STAG1: variants seen among roughly 807,000 people sequenced by gnomAD.
STAG1 encodes the protein cohesin subunit SA-1.
In STAG1, 26 loss-of-function variants were observed where a neutral mutation model predicts 170.9. The ratio of observed to expected loss-of-function variants is 0.15; its 90% CI spans 0.11 to 0.21. The LOEUF is 0.21. Ranked by LOEUF, STAG1 falls within the 10% of genes least tolerant of loss-of-function variation. STAG1 has a pLI of 1.00. For missense variants in STAG1, 964 were observed against 1,509.5 expected, an observed-to-expected ratio of 0.64 and a Z score of 5.99; for synonymous variants, 514 against 497.7, an observed-to-expected ratio of 1.03 and a Z score of -0.44.
chr3:136,429,070 G>A (rs111777806), intron 16 of STAG1, among the ~76,000 whole-genome samples: 7 of 152,306 alleles, frequency 4.6e-5, no homozygotes, highest in African/African-American at 1.4e-4. Context: ...CCATGAGGCA[G>A]AGGTTGCAGT....
Position 136,405,283 on chromosome 3 carries a change from C to T in STAG1, c.2197-6454G>A, listed in dbSNP as rs895675132. On this transcript the variant is annotated intron_variant, in intron 21 of 33. Coordinates refer to ENST00000383202, the MANE Select transcript of STAG1 (RefSeq NM_005862.3). ...TTCAGACGAAGTCTCACTCTGTTGC[C>T]CAGGCTGGAGTGCAGTGGCATGATC... 2.2e-5 allele frequency among the ~76,000 whole-genome samples: 3 copies of T among 134,428 alleles called. No individual in the cohort carries two copies. The Admixed American group carries it at 2.4e-4, about 11-fold the overall frequency. The allele number at this position is 134,428 out of a possible 152,430, so 88.2% of individuals were successfully genotyped here.
intron 6 of STAG1, among the ~76,000 whole-genome samples, chr3:136,526,723 G>C (rs1935051679): frequency 2.0e-5 from 3 of 152,266 alleles, no homozygotes; most frequent in East Asian, 1.9e-4. Context: ...TTTTGCAGTG[G>C]CTGGTACTGG....
intron 1 of STAG1, among the ~76,000 whole-genome samples, chr3:136,695,634 GAA>G (rs35284821): frequency 7.0e-6 from 1 of 143,270 alleles, no homozygotes; most frequent in Non-Finnish European, 1.5e-5. Context: ...GTACTCACTA[GAA>G]AAAAAAAAAG....
intron 7 of STAG1, among the ~76,000 whole-genome samples, chr3:136,516,081 C>G (rs1191332713): frequency 6.6e-6 from 1 of 152,124 alleles, no homozygotes; most frequent in Non-Finnish European, 1.5e-5. Context: ...ACTACATGGT[C>G]TATTCTTTGA....
Position 136,623,240 on chromosome 3 carries a change from G to C in STAG1, c.38C>G (p.Thr13Ser), listed in dbSNP as rs751066805. The C allele has an allele frequency of 2.5e-6, 4 of 1,612,370 alleles. No homozygotes were observed. The Admixed American group carries it at 6.7e-5, about 27-fold the overall frequency. The change falls in exon 3 of 34, where the codon ACT becomes AGT. Residue 13 changes from threonine to serine, a missense_variant. Transcript: ENST00000383202. ...TSELPVLQDSTNETTAHSDAG... is the reference protein window; with the variant it reads ...TSELPVLQDSSNETTAHSDAG... Reference sequence around the variant, plus strand: ...ATCGGAATGGGCAGTAGTTTCATTAGTTGAATCCCTAGAAAATGTTATATT... The same window carrying C: ...ATCGGAATGGGCAGTAGTTTCATTACTTGAATCCCTAGAAAATGTTATATT...
chr3:136,528,502 C>CAA lies in STAG1; in HGVS notation c.472-7086_472-7085insTT, dbSNP rs796340809. On this transcript the variant is annotated intron_variant, in intron 6 of 33. Coordinates refer to ENST00000383202, the MANE Select transcript of STAG1 (RefSeq NM_005862.3). ...GCAACAGATGTCCCCGCACCCCCCC[C>CAA]CCCAAAAAATCACTAAGTCCTGGAA... Among the ~76,000 whole-genome samples, 214 of 144,428 alleles carry CAA rather than the reference C, an allele frequency of 1.5e-3. 2 individuals carry two copies. Among genetic ancestry groups the CAA allele is most frequent in the African/African-American group, 5.5e-3 (201 of 36,846 alleles). The allele number at this position is 144,428 out of a possible 152,430, so 94.8% of individuals were successfully genotyped here.
intron 3 of STAG1, among the ~76,000 whole-genome samples, chr3:136,610,098 G>C (rs1019705051): frequency 6.6e-6 from 1 of 151,664 alleles, no homozygotes; most frequent in Non-Finnish European, 1.5e-5. Flanking sequence ...ACAGTGGTGC[G>C]ATCTCAGCTC....
intron 5 of STAG1, among the ~76,000 whole-genome samples, chr3:136,544,107 G>A (rs1002709121): frequency 9.9e-5 from 15 of 152,154 alleles, no homozygotes; most frequent in Admixed American, 5.9e-4. Context: ...CTCCAGAGTA[G>A]ACATATCAGG....
At chr3:136,493,987 T>C (rs1425505864) in intron 9 of STAG1, among the ~76,000 whole-genome samples, 1 of 152,128 alleles carries the variant, frequency 6.6e-6, no homozygotes, top group African/African-American at 2.4e-5. Context: ...AATCTGGCGG[T>C]GTGCAGGGCG....
rs1290827189 is a variant in STAG1, at chr3:136,737,127, G to C, written c.-84+15068C>G. On this transcript the variant is annotated intron_variant, in intron 1 of 33. Transcript: ENST00000383202. ...CAGTCTTTCAATCTGATTTTTTCACGTTAGAACCAAGTCTCTCTTCTCTAT... is the reference window on the plus strand; with the variant it reads ...CAGTCTTTCAATCTGATTTTTTCACCTTAGAACCAAGTCTCTCTTCTCTAT... 3 of 821,744 alleles carry C rather than the reference G, an allele frequency of 3.7e-6. No homozygotes were observed. The East Asian group carries it at 7.3e-5, about 20-fold the overall frequency. The allele number at this position is 821,744 out of a possible 1,614,324, so 50.9% of individuals were successfully genotyped here. A position where few individuals can be genotyped will look rare whatever the true frequency, so the allele number is the denominator to read the frequency against.
intron 16 of STAG1, among the ~76,000 whole-genome samples, chr3:136,425,811 T>C (rs1466446394): frequency 1.3e-5 from 2 of 150,800 alleles, no homozygotes; most frequent in Non-Finnish European, 3.0e-5. Context: ...AAATAAGATA[T>C]GTGAAAAGGA....
intron 7 of STAG1, among the ~76,000 whole-genome samples, chr3:136,508,253 T>C (rs1037003575): frequency 2.6e-4 from 39 of 152,298 alleles, no homozygotes; most frequent in African/African-American, 8.7e-4. Flanking sequence ...TTTGTAGATA[T>C]TTTGTATGGT....
At chr3:136,612,895 T>C (rs1559909507) in intron 3 of STAG1, among the ~76,000 whole-genome samples, 1 of 152,228 alleles carries the variant, frequency 6.6e-6, no homozygotes. Context: ...GCTATGTATA[T>C]ACCTAGAGGT....
At chr3:136,626,818 A>G (rs1311461984) in intron 2 of STAG1, among the ~76,000 whole-genome samples, 1 of 152,250 alleles carries the variant, frequency 6.6e-6, no homozygotes, top group Non-Finnish European at 1.5e-5. Context: ...TGAGGAAATG[A>G]AAGATCTGAA....
chr3:136,736,706 T>C, intron 1 of STAG1: 2 of 1,603,458 alleles, frequency 1.2e-6, no homozygotes, highest in African/African-American at 2.7e-5. Flanking sequence ...CAGCATCTCT[T>C]TGGCTTCTCT....
At chr3:136,594,725 C>T (rs984745740) in intron 4 of STAG1, among the ~76,000 whole-genome samples, 1 of 152,188 alleles carries the variant, frequency 6.6e-6, no homozygotes, top group African/African-American at 2.4e-5. Context: ...TGTAGCCCTG[C>T]GCCTAACCCA....
rs1220753111 is a variant in STAG1 at position 136,611,504 on chromosome 3, CT to C, written c.133-7032del. Among the ~76,000 whole-genome samples the C allele has an allele frequency of 1.0e-4, 15 of 149,530 alleles. 1 individual carries two copies. In the South Asian group the frequency reaches 2.5e-3, roughly 25 times the overall value. ...CAAAGTTTTGACCTTTTTACTTTTT[CT>C]TTTTTTTTGAGACACAGTCTTACTC... On this transcript the variant is annotated intron_variant, in intron 3 of 33. Coordinates refer to ENST00000383202, the MANE Select transcript of STAG1 (RefSeq NM_005862.3).
chr3:136,396,201 G>GT (rs1480987695), intron 22 of STAG1, among the ~76,000 whole-genome samples: 2 of 127,468 alleles, frequency 1.6e-5, no homozygotes, highest in Non-Finnish European at 3.3e-5. Flanking sequence ...CAGGCCCAGT[G>GT]TAACACAGTT....
chr3:136,654,322 AT>A (rs1941305801), intron 1 of STAG1, among the ~76,000 whole-genome samples: 1 of 152,236 alleles, frequency 6.6e-6, no homozygotes, highest in Non-Finnish European at 1.5e-5. Flanking sequence ...CATAAAAAAA[AT>A]CAGTTGCATT....
Sources: gnomAD v4.1 joint callset for allele counts (sites outside exome capture counted in the v4.1 genomes callset) on GRCh38, gnomAD v4.1.1 for gene constraint, MANE v1.5 for transcripts, NCBI Gene and HGNC (gene_info 2026-07-23, HGNC 2026-07-21) for gene names.